The following ANKRD52 variants were observed in gnomAD, a reference collection of about 807,000 sequenced individuals.
ANKRD52 encodes serine/threonine-protein phosphatase 6 regulatory ankyrin repeat subunit C.
ANKRD52 carries 7 observed loss-of-function variants against 116.0 expected under a neutral mutation model. The observed-to-expected ratio is 0.06, with a 90% CI of 0.03 to 0.11. ANKRD52 has a LOEUF of 0.11. Ranked by LOEUF, ANKRD52 falls within the 10% of genes least tolerant of loss-of-function variation. The probability of loss-of-function intolerance (pLI) is 1.00; values close to 1 mark genes in which losing one functional copy is unlikely to be tolerated. For missense variants in ANKRD52, 839 were observed against 1,408.6 expected, an observed-to-expected ratio of 0.60 and a Z score of 6.47; for synonymous variants, 528 against 578.1, an observed-to-expected ratio of 0.91 and a Z score of 1.24.
In ANKRD52 at chr12:56,257,282, C is replaced by T; in HGVS notation, c.190+1G>A. 1 of 1,592,106 alleles carries T rather than the reference C, an allele frequency of 6.3e-7. No individual in the cohort carries two copies. The highest frequency in any genetic ancestry group is 8.6e-7 in the Non-Finnish European group (1 of 1,169,154). ...CACACCTTCCAGCTCCCCACTTTCA[C>T]CTGACATCAGTAGCAACTGGAGGAT... On this transcript the variant is annotated splice_donor_variant, in intron 3 of 27. Transcript: ENST00000267116. LOFTEE classifies it high-confidence loss of function.
Position 56,253,746 on chromosome 12 carries a change from G to A in ANKRD52, c.961C>T (p.Arg321Cys), listed in dbSNP as rs1452083340. ...HMAAIHGRFT[R>C]SQILIQNGSE... is the part of the protein sequence containing the mutation. ...CCATTCTGGATGAGGATCTGGGAGC[G>A]TGTGAAACGGCCATGGATTGCAGCC... The change falls in exon 9 of 28, where the codon CGC becomes TGC. Residue 321 changes from arginine to cysteine, a missense_variant. Arg to Cys is a radical substitution (Grantham distance 180). This residue lies in a region of ANKRD52 where 287 missense variants were observed against 598.1 expected (regional missense o/e 0.48). Coordinates refer to ENST00000267116, the MANE Select transcript of ANKRD52 (RefSeq NM_173595.4). The surrounding 1 kb of genome is among the most constrained non-coding windows in gnomAD (Gnocchi z 5.5). The A allele has an allele frequency of 1.9e-6, 3 of 1,613,824 alleles. No homozygotes were observed. Among genetic ancestry groups the A allele is most frequent in the African/African-American group, 2.7e-5 (2 of 74,922 alleles).
Position 56,244,969 on chromosome 12 carries a change from G to A in ANKRD52, c.2513C>T (p.Thr838Ile). Reference protein sequence around the residue: ...HCAVINNQDSTTEMLLGALGA... With the variant: ...HCAVINNQDSITEMLLGALGA... Reference sequence around the variant, plus strand: ...CAGAGCTCCCAGTAGCATCTCTGTGGTGCTGTCTTGGTTATTAATCCTAGA... The same window carrying A: ...CAGAGCTCCCAGTAGCATCTCTGTGATGCTGTCTTGGTTATTAATCCTAGA... Residue 838 changes from threonine to isoleucine, a missense_variant, in exon 23 of 28, where the codon ACC (threonine) becomes ATC (isoleucine). This residue lies in a region of ANKRD52 where 552 missense variants were observed against 810.6 expected (regional missense o/e 0.68). Transcript: ENST00000267116. The surrounding 1 kb of genome is among the most constrained non-coding windows in gnomAD (Gnocchi z 4.9). 1 of 1,613,948 alleles carries A rather than the reference G, an allele frequency of 6.2e-7. No homozygotes were observed. The highest frequency in any genetic ancestry group is 1.1e-5 in the South Asian group (1 of 91,072).
Position 56,241,672 on chromosome 12 carries a change from CT to C in ANKRD52, c.*1469del. 3.7e-6 allele frequency: 1 copy of C among 270,034 alleles called. No individual in the cohort carries two copies. Among genetic ancestry groups the C allele is most frequent in the Non-Finnish European group, 6.9e-6 (1 of 144,564 alleles). The allele number at this position is 270,034 out of a possible 1,614,324, so 16.7% of individuals were successfully genotyped here. The stretch of plus-strand genomic sequence containing the variant: ...CTATTCAAGTTCTGTGTCTTGGCCC[CT>C]GGCTGAGGTATTGAGTGTGAGGAAG... On this transcript the variant is annotated 3_prime_UTR_variant, in exon 28 of 28. Coordinates refer to ENST00000267116, the MANE Select transcript of ANKRD52 (RefSeq NM_173595.4).
rs1370538591 is a variant in ANKRD52, at chr12:56,248,486, G to A, written c.1776+9C>T. On this transcript the variant is annotated intron_variant, in intron 17 of 27. Coordinates refer to ENST00000267116, the MANE Select transcript of ANKRD52 (RefSeq NM_173595.4). The surrounding 1 kb of genome is among the most constrained non-coding windows in gnomAD (Gnocchi z 5.1). Reference sequence around the variant, plus strand: ...AAGGAAGGCAACAGAAAAAAGACGTGGGACTCACAGCTAAGTGCAAAGGGC... The same window carrying A: ...AAGGAAGGCAACAGAAAAAAGACGTAGGACTCACAGCTAAGTGCAAAGGGC... 6.3e-7 allele frequency: 1 copy of A among 1,588,808 alleles called. No homozygotes were observed.
chr12:56,256,025 A>G, intron 4 of ANKRD52, 41 bp from the exon 5 acceptor site: 1 of 1,529,148 alleles, frequency 6.5e-7, no homozygotes, highest in Non-Finnish European at 8.9e-7. Context: ...TGGGAGCAGG[A>G]GGTAAAACAA....
Position 56,243,228 on chromosome 12 carries a change from A to C in ANKRD52, c.3145T>G (p.Cys1049Gly). The C allele has an allele frequency of 6.2e-7, 1 of 1,613,832 alleles. No individual in the cohort carries two copies. The highest frequency in any genetic ancestry group is 8.5e-7 in the Non-Finnish European group (1 of 1,179,832). The part of the protein sequence containing the change: ...SIAAAKTVGG[C>G]GALPHGASCP... ...GAGGCCCCATGGGGCAGGGCGCCGCAGCCACCCACCGTCTTGGCGGCTGCA... is the reference window on the plus strand; with the variant it reads ...GAGGCCCCATGGGGCAGGGCGCCGCCGCCACCCACCGTCTTGGCGGCTGCA... Residue 1049 changes from cysteine to glycine, a missense_variant, in exon 28 of 28, where the codon TGC becomes GGC. Physicochemically the swap from Cys to Gly is radical, Grantham distance 159. Around this residue, in one of 2 missense-constraint regions of ANKRD52, gnomAD observed 552 missense variants for 810.6 expected, o/e 0.68. Coordinates refer to ENST00000267116, the MANE Select transcript of ANKRD52 (RefSeq NM_173595.4). The surrounding 1 kb of genome is among the most constrained non-coding windows in gnomAD (Gnocchi z 4.6).
At position 56,248,725 on chromosome 12, in the gene ANKRD52, C is replaced by A; in HGVS notation, c.1704+34G>T. On this transcript the variant is annotated intron_variant, in intron 16 of 27. Transcript: ENST00000267116. This position sits in a 1 kb window ranked among gnomAD's most constrained non-coding sequence, Gnocchi z 5.1. ...CCACAAACCCTGTGCCCTGCCCCTGCCTCCCCTCCTGCAGGCCGGGCCCCA... is the reference window on the plus strand; with the variant it reads ...CCACAAACCCTGTGCCCTGCCCCTGACTCCCCTCCTGCAGGCCGGGCCCCA... 1 of 1,565,642 alleles carries A rather than the reference C, an allele frequency of 6.4e-7. No individual in the cohort carries two copies. Among genetic ancestry groups the A allele is most frequent in the African/African-American group, 1.4e-5 (1 of 73,954 alleles).
Position 56,244,560 on chromosome 12 carries a change from C to T in ANKRD52, c.2722+92G>A, listed in dbSNP as rs1871307972. 1.2e-6 allele frequency: 2 copies of T among 1,600,010 alleles called. No individual in the cohort carries two copies. Among genetic ancestry groups the T allele is most frequent in the South Asian group, 1.1e-5 (1 of 89,678 alleles). ...AAAGACAACCCTCTTGCTTTCTGAA[C>T]CCCAGCCCCAGCCAGCCTCCACAGG... On this transcript the variant is annotated intron_variant, in intron 24 of 27. Coordinates refer to ENST00000267116, the MANE Select transcript of ANKRD52 (RefSeq NM_173595.4). The surrounding 1 kb of genome is among the most constrained non-coding windows in gnomAD (Gnocchi z 4.9).
At position 56,254,745 on chromosome 12, in the gene ANKRD52, A is replaced by T. The variant is rs1871866560; in HGVS notation, c.551-25T>A. On this transcript the variant is annotated intron_variant, in intron 6 of 27. Transcript: ENST00000267116. The surrounding 1 kb of genome is among the most constrained non-coding windows in gnomAD (Gnocchi z 4.6). The stretch of plus-strand genomic sequence containing the variant: ...CCTGAGAAAAGAGAAGACACTCTAA[A>T]GGAAGTAGAAGGTAAACTCTAAGAC... The T allele has an allele frequency of 6.2e-7, 1 of 1,601,976 alleles. No individual in the cohort carries two copies. The highest frequency in any genetic ancestry group is 2.2e-5 in the East Asian group (1 of 44,482).
At chr12:56,256,786 G>C (rs1027926983) in intron 4 of ANKRD52, among the ~76,000 whole-genome samples, 1 of 152,150 alleles carries the variant, frequency 6.6e-6, no homozygotes, top group African/African-American at 2.4e-5. Context: ...CAGGGCCCCC[G>C]CAGTCTGCCA....
Position 56,253,440 on chromosome 12 carries a change from T to C in ANKRD52, c.986-38A>G. 1 of 1,550,498 alleles carries C rather than the reference T, an allele frequency of 6.4e-7. No individual in the cohort carries two copies. The highest frequency in any genetic ancestry group is 1.7e-5 in the Admixed American group (1 of 59,292). ...GCACACACACAAGCTCAGGCAGACC[T>C]CAGGCTTAAGACCACTTTCGCGAGC... On this transcript the variant is annotated intron_variant, in intron 9 of 27. Transcript: ENST00000267116. This position sits in a 1 kb window ranked among gnomAD's most constrained non-coding sequence, Gnocchi z 5.5.
In ANKRD52 at chr12:56,255,055, G is replaced by C. The variant is rs1212391617; in HGVS notation, c.463-103C>G. On this transcript the variant is annotated intron_variant, in intron 5 of 27. Transcript: ENST00000267116. The surrounding 1 kb of genome is among the most constrained non-coding windows in gnomAD (Gnocchi z 4.3). ...CCTGAAAAGGCTGAGGCAGCCTAATGCCTTTTTCCATGAGCAAAACAACCT... is the reference window on the plus strand; with the variant it reads ...CCTGAAAAGGCTGAGGCAGCCTAATCCCTTTTTCCATGAGCAAAACAACCT... The C allele has an allele frequency of 1.6e-6, 2 of 1,232,970 alleles. No homozygotes were observed. The highest frequency in any genetic ancestry group is 2.0e-5 in the Admixed American group (1 of 50,326). 76.4% of individuals were successfully genotyped at this position (1,232,970 alleles called of 1,614,324 possible).
intron 1 of ANKRD52, 97 bp downstream of exon 1, chr12:56,258,146 C>G (rs1157002552): frequency 4.6e-6 from 7 of 1,534,668 alleles, no homozygotes; most frequent in East Asian, 4.9e-5. Flanking sequence ...GCGGGAGCCC[C>G]GGGCTCAGGC....
At chr12:56,246,544 G>A (rs958598842) in intron 20 of ANKRD52, among the ~76,000 whole-genome samples, 5 of 152,252 alleles carry the variant, frequency 3.3e-5, no homozygotes, top group Middle Eastern at 3.4e-3. Context: ...TCTAGGTTGT[G>A]GCGACATTAT....
chr12:56,237,866 T>A lies in ANKRD52; in HGVS notation c.*5276A>T. 8.9e-7 allele frequency: 1 copy of A among 1,126,322 alleles called. No individual in the cohort carries two copies. Among genetic ancestry groups the A allele is most frequent in the Non-Finnish European group, 1.2e-6 (1 of 830,214 alleles). The allele number at this position is 1,126,322 out of a possible 1,614,324, so 69.8% of individuals were successfully genotyped here. On this transcript the variant is annotated 3_prime_UTR_variant, in exon 28 of 28. Coordinates refer to ENST00000267116, the MANE Select transcript of ANKRD52 (RefSeq NM_173595.4). ...CCCAAAGCCATGACTACGACAGTTG[T>A]ACTTGCACCAAAACAGCATAGAAAA... is the stretch of plus-strand genomic sequence containing the variant.
In ANKRD52 at chr12:56,244,341, T is replaced by C. The variant is rs1239750211; in HGVS notation, c.2805+12A>G. ...CCCCTTATGCAGTCCCCCAATCACT[T>C]CAGGTAAGTACCTTGCTACAAGCCA... is the stretch of plus-strand genomic sequence containing the variant. On this transcript the variant is annotated intron_variant, in intron 25 of 27. Coordinates refer to ENST00000267116, the MANE Select transcript of ANKRD52 (RefSeq NM_173595.4). The surrounding 1 kb of genome is among the most constrained non-coding windows in gnomAD (Gnocchi z 4.9). 1 of 1,613,578 alleles carries C rather than the reference T, an allele frequency of 6.2e-7. No individual in the cohort carries two copies. The highest frequency in any genetic ancestry group is 2.2e-5 in the East Asian group (1 of 44,882).
chr12:56,252,424 A>C lies in ANKRD52; in HGVS notation c.1370+78T>G, dbSNP rs1871747659. 6.3e-7 allele frequency: 1 copy of C among 1,593,220 alleles called. No homozygotes were observed. On this transcript the variant is annotated intron_variant, in intron 13 of 27. Coordinates refer to ENST00000267116, the MANE Select transcript of ANKRD52 (RefSeq NM_173595.4). The surrounding 1 kb of genome is among the most constrained non-coding windows in gnomAD (Gnocchi z 4.7). ...TAACATTCTCCTTATTTAAGTCTCC[A>C]ATCTAAACCCTTCCTCCCTCTACCA...
Position 56,247,523 on chromosome 12 carries a change from G to A in ANKRD52, c.2154C>T (p.Asp718=). Residue 718 remains aspartate, a synonymous_variant, in exon 20 of 28, where the codon GAC becomes GAT. Transcript: ENST00000267116. Reference sequence around the variant, plus strand: ...GGTGGAGGGCAGTGCGGCCCCGGAGGTCAGCAGCATCAGCTGTGGATCCTT... The same window carrying A: ...GGTGGAGGGCAGTGCGGCCCCGGAGATCAGCAGCATCAGCTGTGGATCCTT... The part of the protein sequence containing the change: ...LEKGSTADAA[D]LRGRTALHRG... 2.5e-6 allele frequency: 4 copies of A among 1,592,042 alleles called. No individual in the cohort carries two copies. The highest frequency in any genetic ancestry group is 3.4e-6 in the Non-Finnish European group (4 of 1,168,726).
chr12:56,248,905 A>G lies in ANKRD52; in HGVS notation c.1593-35T>C. ...CGGGGGTAGACTGTGAGGCAGGGAC[A>G]GGCCCAGCCCAGGAGGGCACAGTTC... is the stretch of plus-strand genomic sequence containing the variant. On this transcript the variant is annotated intron_variant, in intron 15 of 27. Transcript: ENST00000267116. This position sits in a 1 kb window ranked among gnomAD's most constrained non-coding sequence, Gnocchi z 5.1. 4 of 1,487,562 alleles carry G rather than the reference A, an allele frequency of 2.7e-6. No individual in the cohort carries two copies. Among genetic ancestry groups the G allele is most frequent in the Non-Finnish European group, 3.7e-6 (4 of 1,093,996 alleles). 92.1% of individuals were successfully genotyped at this position (1,487,562 alleles called of 1,614,324 possible). A position where few individuals can be genotyped will look rare whatever the true frequency, so the allele number is the denominator to read the frequency against.
Sources: gnomAD v4.1 joint callset for allele counts (sites outside exome capture counted in the v4.1 genomes callset) on GRCh38, gnomAD v4.1.1 for gene constraint, gnomAD v4.1.1 regional missense constraint, Gnocchi (gnomAD v3.1) non-coding constraint, MANE v1.5 for transcripts, NCBI Gene and HGNC (gene_info 2026-07-23, HGNC 2026-07-21) for gene names.